Variants in CACNA1C observed in about 807,000 individuals in gnomAD.
CACNA1C encodes the protein calcium voltage-gated channel subunit alpha1 C, also known as voltage-dependent L-type calcium channel subunit alpha-1C.
A neutral mutation model predicts 229.0 loss-of-function variants in CACNA1C; 30 were observed. The ratio of observed to expected loss-of-function variants is 0.13; its 90% CI spans 0.10 to 0.18. The LOEUF is 0.18. Ranked by LOEUF, CACNA1C falls within the 10% of genes least tolerant of loss-of-function variation. The probability of loss-of-function intolerance (pLI) is 1.00; values close to 1 mark genes in which losing one functional copy is unlikely to be tolerated. For synonymous variants in CACNA1C, 1,114 were observed against 1,132.5 expected (o/e 0.98, Z 0.33); for missense variants, 1,658 against 2,845.0 (o/e 0.58, Z 9.49).
At chr12:2,154,227 C>T (rs981224670) in intron 3 of CACNA1C, among the ~76,000 whole-genome samples, 17 of 152,146 alleles carry the variant, frequency 1.1e-4, no homozygotes, top group Admixed American at 6.5e-5. Context: ...AAACAAACAA[C>T]GAAGAAATCC....
chr12:2,611,033 A>G (rs1018887371), intron 28 of CACNA1C, among the ~76,000 whole-genome samples: 4 of 149,610 alleles, frequency 2.7e-5, no homozygotes, highest in African/African-American at 7.4e-5. Flanking sequence ...TGGTTGATCA[A>G]TGGAGAGAGG....
At chr12:2,288,652 G>C (rs2093058829) in intron 3 of CACNA1C, 1 of 152,144 alleles carries the variant, frequency 6.6e-6, no homozygotes, top group African/African-American at 2.4e-5. Flanking sequence ...CCTCCCTTCT[G>C]TCTGTTTTCC....
intron 3 of CACNA1C, among the ~76,000 whole-genome samples, chr12:2,267,594 A>G (rs2082865205): frequency 6.6e-6 from 1 of 152,166 alleles, no homozygotes; most frequent in Non-Finnish European, 1.5e-5. Context: ...TGAGGCTGAG[A>G]GGGAGAAAGA....
At chr12:2,148,707 C>G (rs1475064829) in intron 3 of CACNA1C, among the ~76,000 whole-genome samples, 2 of 151,080 alleles carry the variant, frequency 1.3e-5, no homozygotes, top group Non-Finnish European at 3.0e-5. Context: ...TGACACTACA[C>G]CCGGCGAGTT....
intron 1 of CACNA1C, among the ~76,000 whole-genome samples, chr12:1,986,807 T>C (rs1007589768): frequency 6.6e-6 from 1 of 152,222 alleles, no homozygotes; most frequent in African/African-American, 2.4e-5. Flanking sequence ...GTGTGTCTGT[T>C]GTCATTTACT....
chr12:2,462,666 G>A (rs1485019172), intron 5 of CACNA1C, among the ~76,000 whole-genome samples: 1 of 152,186 alleles, frequency 6.6e-6, no homozygotes, highest in African/African-American at 2.4e-5. Context: ...GGCCCTAAGA[G>A]CCACCCCACC....
intron 5 of CACNA1C, among the ~76,000 whole-genome samples, chr12:2,458,434 C>T (rs564567545): frequency 4.6e-5 from 7 of 152,346 alleles, no homozygotes; most frequent in Admixed American, 3.9e-4. Context: ...CCTGGGAAGG[C>T]GCAAGCAAAC....
At position 2,605,044 on chromosome 12, in the gene CACNA1C, G is replaced by A. The variant is rs756842647; in HGVS notation, c.2961-37G>A. ...ATTATTTTTGCTCCCCCCAGAAACAGGAGGAGCTTACTACCCTGCCTGTTT... is the reference window on the plus strand; with the variant it reads ...ATTATTTTTGCTCCCCCCAGAAACAAGAGGAGCTTACTACCCTGCCTGTTT... On this transcript the variant is annotated intron_variant, in intron 22 of 46. Transcript: ENST00000399655. This position sits in a 1 kb window ranked among gnomAD's most constrained non-coding sequence, Gnocchi z 6.2. 1 of 1,498,100 alleles carries A rather than the reference G, an allele frequency of 6.7e-7. No homozygotes were observed. Among genetic ancestry groups the A allele is most frequent in the South Asian group, 1.1e-5 (1 of 88,676 alleles). The allele number at this position is 1,498,100 out of a possible 1,614,324, so 92.8% of individuals were successfully genotyped here.
chr12:2,019,235 G>A (rs2045952856), intron 1 of CACNA1C, among the ~76,000 whole-genome samples: 1 of 152,216 alleles, frequency 6.6e-6, no homozygotes, highest in Middle Eastern at 3.4e-3. Context: ...GTTGAGGTGG[G>A]AGGATCATTT....
At chr12:2,305,483 A>T (rs1055722578) in intron 3 of CACNA1C, among the ~76,000 whole-genome samples, 9 of 152,146 alleles carry the variant, frequency 5.9e-5, no homozygotes, top group Non-Finnish European at 1.3e-4. Flanking sequence ...GTCCTTCTTC[A>T]GCTGGACATA....
At chr12:2,099,287 A>G (rs2075469666) in intron 1 of CACNA1C, among the ~76,000 whole-genome samples, 1 of 152,198 alleles carries the variant, frequency 6.6e-6, no homozygotes, top group Non-Finnish European at 1.5e-5. Flanking sequence ...TTTACCCTGA[A>G]CCTAGATCCT....
chr12:2,680,421 A>C, intron 42 of CACNA1C: 11 of 1,561,344 alleles, frequency 7.0e-6, no homozygotes, highest in Non-Finnish European at 8.7e-6. Flanking sequence ...GGGCCCCCGC[A>C]GGGCTCCTCC....
rs1270536265 is a variant in CACNA1C, at chr12:2,488,257, G to A, written c.916+1995G>A. On this transcript the variant is annotated intron_variant, in intron 6 of 46. Coordinates refer to ENST00000399655, the MANE Select transcript of CACNA1C (RefSeq NM_000719.7). The surrounding 1 kb of genome is among the most constrained non-coding windows in gnomAD (Gnocchi z 4.0). ...GTGGTGGGCTCCTGCAAGGGCGGGTGAGGATAAGCGGCCCTGAATACTGGT... is the reference window on the plus strand; with the variant it reads ...GTGGTGGGCTCCTGCAAGGGCGGGTAAGGATAAGCGGCCCTGAATACTGGT... Among the ~76,000 whole-genome samples the A allele has an allele frequency of 1.3e-5, 2 of 152,192 alleles. No homozygotes were observed. Among genetic ancestry groups the A allele is most frequent in the Admixed American group, 6.5e-5 (1 of 15,286 alleles).
At chr12:2,003,387 T>C (rs1382901817) in intron 1 of CACNA1C, among the ~76,000 whole-genome samples, 1 of 152,212 alleles carries the variant, frequency 6.6e-6, no homozygotes, top group African/African-American at 2.4e-5. Flanking sequence ...GTAACTTATT[T>C]TAAAATGATG....
At chr12:2,607,630 G>C (rs1297975987) in intron 26 of CACNA1C, among the ~76,000 whole-genome samples, 1 of 152,220 alleles carries the variant, frequency 6.6e-6, no homozygotes, top group Non-Finnish European at 1.5e-5. Flanking sequence ...ATGGAAGCCC[G>C]GGCCCCACTT....
chr12:2,102,472 C>T (rs1006366515), intron 1 of CACNA1C, among the ~76,000 whole-genome samples: 2 of 152,168 alleles, frequency 1.3e-5, no homozygotes, highest in Non-Finnish European at 2.9e-5. Flanking sequence ...GTACCTGGCT[C>T]TGGGGCATTC....
At chr12:2,619,310 C>T (rs1446910276) in intron 29 of CACNA1C, among the ~76,000 whole-genome samples, 2 of 152,248 alleles carry the variant, frequency 1.3e-5, no homozygotes, top group Non-Finnish European at 2.9e-5. Context: ...AAGTGCCATT[C>T]AGATGAAACT....
chr12:2,381,420 T>C (rs1397702107), intron 3 of CACNA1C, among the ~76,000 whole-genome samples: 1 of 152,172 alleles, frequency 6.6e-6, no homozygotes, highest in Non-Finnish European at 1.5e-5. Flanking sequence ...AGCATTCAGG[T>C]TGTAGAGACA....
chr12:2,686,683 T>A (rs1438687513), intron 45 of CACNA1C, among the ~76,000 whole-genome samples: 2 of 152,100 alleles, frequency 1.3e-5, no homozygotes, highest in Non-Finnish European at 2.9e-5. Flanking sequence ...ATCCATCCAG[T>A]GACATAAAGA....
Sources: allele counts gnomAD v4.1 joint callset (sites outside exome capture counted in the v4.1 genomes callset), GRCh38; gene constraint gnomAD v4.1.1; non-coding constraint Gnocchi (gnomAD v3.1); transcripts MANE v1.5; gene names NCBI Gene and HGNC (gene_info 2026-07-23, HGNC 2026-07-21).